Variants in PPP2R5C observed in about 807,000 individuals in gnomAD.
PPP2R5C encodes the protein protein phosphatase 2 regulatory subunit B'gamma.
A neutral mutation model predicts 68.9 loss-of-function variants in PPP2R5C; 7 were observed. The observed-to-expected ratio is 0.10, with a 90% CI of 0.06 to 0.19. PPP2R5C has a LOEUF of 0.19. Ranked by LOEUF, PPP2R5C falls within the 10% of genes least tolerant of loss-of-function variation. The probability of loss-of-function intolerance (pLI) is 1.00; values close to 1 mark genes in which losing one functional copy is unlikely to be tolerated. For synonymous variants in PPP2R5C, 210 were observed against 222.2 expected (o/e 0.95, Z 0.49); for missense variants, 348 against 641.3 (o/e 0.54, Z 4.94).
chr14:101,881,340 T>C (rs1263838401), intron 2 of PPP2R5C, among the ~76,000 whole-genome samples: 3 of 152,046 alleles, frequency 2.0e-5, no homozygotes, highest in Non-Finnish European at 4.4e-5. Flanking sequence ...GCAGAGGTTG[T>C]GATGAGTCGA....
In PPP2R5C at chr14:101,879,384, C is replaced by T. The variant is rs1390346088; in HGVS notation, c.295-2777C>T. Reference sequence around the variant, plus strand: ...TCTGGGTGAGCTGACCCCTCTCTCCCTTGGCAGCTTCCTGGGCGGCGTGGC... The same window carrying T: ...TCTGGGTGAGCTGACCCCTCTCTCCTTTGGCAGCTTCCTGGGCGGCGTGGC... On this transcript the variant is annotated intron_variant, in intron 2 of 13. Coordinates refer to ENST00000334743, the Ensembl canonical transcript of PPP2R5C. This position sits in a 1 kb window ranked among gnomAD's most constrained non-coding sequence, Gnocchi z 4.2. 1.3e-5 allele frequency: 2 copies of T among 152,846 alleles called. No homozygotes were observed. The highest frequency in any genetic ancestry group is 2.9e-5 in the Non-Finnish European group (2 of 68,572). 9.5% of individuals were successfully genotyped at this position (152,846 alleles called of 1,614,324 possible).
At chr14:101,894,940 G>A (rs1407297530) in intron 8 of PPP2R5C, among the ~76,000 whole-genome samples, 1 of 152,118 alleles carries the variant, frequency 6.6e-6, no homozygotes, top group African/African-American at 2.4e-5. Context: ...GTTAGGGTTT[G>A]AAATTATTGT....
At chr14:101,805,039 G>A (rs1394508151), upstream of PPP2R5C, among the ~76,000 whole-genome samples, 1 of 152,118 alleles carries the variant, frequency 6.6e-6, no homozygotes, top group African/African-American at 2.4e-5. Context: ...TAAAAAATAA[G>A]TGTTAATGTC....
chr14:101,773,248 G>A (rs1041816445), intron 2 of PPP2R5C, among the ~76,000 whole-genome samples: 13 of 152,076 alleles, frequency 8.5e-5, no homozygotes, highest in Admixed American at 3.9e-4. Flanking sequence ...GCGTGAGAGC[G>A]TCTCACCTTT....
intron 2 of PPP2R5C, among the ~76,000 whole-genome samples, chr14:101,784,368 A>G (rs1008911665): frequency 6.6e-6 from 1 of 152,128 alleles, no homozygotes; most frequent in Non-Finnish European, 1.5e-5. Context: ...ACTACCTGAG[A>G]TTGGGTAATT....
chr14:101,829,664 T>G lies in PPP2R5C; in HGVS notation c.94+19628T>G, dbSNP rs190761613. ...TTCCTCTTAACCTTGCCTCTGTGTT[T>G]GTGTGTGTGTTTGGTCGGTGTTTAG... is the stretch of plus-strand genomic sequence containing the variant. On this transcript the variant is annotated intron_variant, in intron 1 of 13. Coordinates refer to ENST00000334743, the Ensembl canonical transcript of PPP2R5C. Among the ~76,000 whole-genome samples the G allele has an allele frequency of 1.4e-4, 22 of 152,262 alleles. No homozygotes were observed. The East Asian group carries it at 4.2e-3, about 29-fold the overall frequency.
intron 2 of PPP2R5C, among the ~76,000 whole-genome samples, chr14:101,774,196 G>A (rs1304333465): frequency 6.6e-6 from 1 of 152,238 alleles, no homozygotes; most frequent in Non-Finnish European, 1.5e-5. Context: ...CTGGCTGTGG[G>A]TGGGCTTGTC....
intron 1 of PPP2R5C, among the ~76,000 whole-genome samples, chr14:101,815,713 A>G (rs888506939): frequency 6.6e-6 from 1 of 152,212 alleles, no homozygotes; most frequent in African/African-American, 2.4e-5. Context: ...TTTGTCACCC[A>G]GGCTGGGGTG....
Position 101,825,138 on chromosome 14 carries a change from A to G in PPP2R5C, c.94+15102A>G, listed in dbSNP as rs1769122903. On this transcript the variant is annotated intron_variant, in intron 1 of 13. Coordinates refer to ENST00000334743, the Ensembl canonical transcript of PPP2R5C. The surrounding 1 kb of genome is among the most constrained non-coding windows in gnomAD (Gnocchi z 4.0). ...AGAATAAATTTGTTTTGGTTCCAGGATGAAACTCAAGAGATACAGAAGAAA... is the reference window on the plus strand; with the variant it reads ...AGAATAAATTTGTTTTGGTTCCAGGGTGAAACTCAAGAGATACAGAAGAAA... Among the ~76,000 whole-genome samples the G allele has an allele frequency of 6.6e-6, 1 of 152,042 alleles. No individual in the cohort carries two copies. The highest frequency in any genetic ancestry group is 1.5e-5 in the Non-Finnish European group (1 of 68,012).
intron 1 of PPP2R5C, among the ~76,000 whole-genome samples, chr14:101,830,244 A>G (rs1182216838): frequency 1.3e-5 from 2 of 152,216 alleles, no homozygotes; most frequent in Non-Finnish European, 2.9e-5. Context: ...TTACCAACTC[A>G]TGTTTTACAG....
intron 10 of PPP2R5C, among the ~76,000 whole-genome samples, chr14:101,907,283 G>A (rs1255182078): frequency 6.6e-6 from 1 of 152,040 alleles, no homozygotes; most frequent in Non-Finnish European, 1.5e-5. Flanking sequence ...CAAACCTCCT[G>A]CCTCAGGGTC....
intron 1 of PPP2R5C, among the ~76,000 whole-genome samples, chr14:101,837,571 A>G (rs1196039304): frequency 6.6e-6 from 1 of 152,230 alleles, no homozygotes; most frequent in Non-Finnish European, 1.5e-5. Context: ...ATAGAAATAA[A>G]CACACAGGCG....
At chr14:101,801,402 A>T (rs1323847879) in intron 3 of PPP2R5C, among the ~76,000 whole-genome samples, 1 of 152,148 alleles carries the variant, frequency 6.6e-6, no homozygotes, top group Non-Finnish European at 1.5e-5. Context: ...GACACTGTGG[A>T]TATTTGGGGA....
chr14:101,848,690 T>C (rs1355667331), intron 1 of PPP2R5C, among the ~76,000 whole-genome samples: 2 of 152,190 alleles, frequency 1.3e-5, no homozygotes, highest in Admixed American at 6.5e-5. Flanking sequence ...TGCAGCCGAA[T>C]GTACCCCTGG....
At chr14:101,852,212 A>G (rs963441084) in intron 1 of PPP2R5C, among the ~76,000 whole-genome samples, 1 of 152,116 alleles carries the variant, frequency 6.6e-6, no homozygotes, top group African/African-American at 2.4e-5. Flanking sequence ...CCTACGTTCC[A>G]ATCTTGAGTA....
Position 101,904,130 on chromosome 14 carries a change from G to GTGGA in PPP2R5C, c.1024-2256_1024-2253dup, listed in dbSNP as rs952109464. Among the ~76,000 whole-genome samples the GTGGA allele has an allele frequency of 3.9e-5, 6 of 152,216 alleles. No homozygotes were observed. The South Asian group carries it at 1.2e-3, about 32-fold the overall frequency. ...AAATATATTGGTGGGTGGTGGGTGG[G>GTGGA]TGGATGGATGGATGGATGGTTTTGT... is the stretch of plus-strand genomic sequence containing the variant. On this transcript the variant is annotated intron_variant, in intron 9 of 13. Transcript: ENST00000334743.
chr14:101,807,434 C>T (rs938046860), upstream of PPP2R5C, among the ~76,000 whole-genome samples: 1 of 152,022 alleles, frequency 6.6e-6, no homozygotes, highest in African/African-American at 2.4e-5. Flanking sequence ...TCTCATTCTT[C>T]TTGTTCTTTT....
chr14:101,778,189 C>T (rs966385337), intron 2 of PPP2R5C, among the ~76,000 whole-genome samples: 9 of 152,286 alleles, frequency 5.9e-5, no homozygotes, highest in Middle Eastern at 6.8e-3. Context: ...AGCATCTTTT[C>T]ATGTGCTTGT....
intron 2 of PPP2R5C, among the ~76,000 whole-genome samples, chr14:101,775,474 G>A (rs201623332): frequency 5.9e-5 from 9 of 152,312 alleles, no homozygotes; most frequent in East Asian, 1.9e-4. Flanking sequence ...CTGGCTGCAC[G>A]GAAGGTTGTG....
Sources: gnomAD v4.1 joint callset for allele counts (sites outside exome capture counted in the v4.1 genomes callset) on GRCh38, gnomAD v4.1.1 for gene constraint, Gnocchi (gnomAD v3.1) non-coding constraint, MANE v1.5 for transcripts, NCBI Gene and HGNC (gene_info 2026-07-23, HGNC 2026-07-21) for gene names.